The following CELF2 variants were observed in gnomAD, a reference collection of about 807,000 sequenced individuals.
The protein encoded by CELF2 is CUGBP Elav-like family member 2, also known as CUG triplet repeat RNA-binding protein 2.
A neutral mutation model predicts 62.6 loss-of-function variants in CELF2; 8 were observed. The ratio of observed to expected loss-of-function variants is 0.13; its 90% CI spans 0.07 to 0.23. CELF2 has a LOEUF of 0.23. Among genes scored for constraint, CELF2 ranks in the 10% least tolerant of loss-of-function variants. CELF2 has a pLI of 1.00. For missense variants in CELF2, 333 were observed against 671.0 expected (o/e 0.50, Z 5.56); for synonymous variants, 258 against 250.0 (o/e 1.03, Z -0.30).
the CELF2 span, among the ~76,000 whole-genome samples, chr10:10,549,780 C>T: frequency 3.3e-5 from 5 of 152,164 alleles, no homozygotes; most frequent in African/African-American, 1.2e-4. Flanking sequence ...AAATACATCA[C>T]ATTCTGAGGT....
intron 1 of CELF2, among the ~76,000 whole-genome samples, chr10:10,806,973 T>A (rs1305226004): frequency 6.6e-6 from 1 of 152,218 alleles, no homozygotes; most frequent in Non-Finnish European, 1.5e-5. Context: ...ACCCCCCTTT[T>A]TGATCAAAGA....
chr10:10,618,565 A>G, the CELF2 span, among the ~76,000 whole-genome samples: 1 of 152,108 alleles, frequency 6.6e-6, no homozygotes, highest in Middle Eastern at 3.2e-3. Context: ...GGCAACGCTT[A>G]TGGTGGGGCA....
the CELF2 span, among the ~76,000 whole-genome samples, chr10:10,679,478 T>C: frequency 6.6e-6 from 1 of 152,068 alleles, no homozygotes; most frequent in Non-Finnish European, 1.5e-5. Flanking sequence ...TTAGTAGAGA[T>C]GGGGTTTCAC....
At position 11,255,716 on chromosome 10, in the gene CELF2, A is replaced by G. The variant is rs959035035; in HGVS notation, c.404-2022A>G. ...CGTCCCTGCCTCAAGAGCCCCAGTC[A>G]CCCCGAGTATGTCACAGGCCACCTT... On this transcript the variant is annotated intron_variant, in intron 4 of 12. Coordinates refer to ENST00000633077, the MANE Select transcript of CELF2 (RefSeq NM_001326342.2). This position sits in a 1 kb window ranked among gnomAD's most constrained non-coding sequence, Gnocchi z 5.5. Among the ~76,000 whole-genome samples the G allele has an allele frequency of 6.6e-6, 1 of 151,894 alleles. No individual in the cohort carries two copies. Among genetic ancestry groups the G allele is most frequent in the African/African-American group, 2.4e-5 (1 of 41,310 alleles).
chr10:10,955,867 G>C (rs1302827735), intron 2 of CELF2, among the ~76,000 whole-genome samples: 2 of 152,200 alleles, frequency 1.3e-5, no homozygotes, highest in African/African-American at 2.4e-5. Flanking sequence ...AGTTACTCAA[G>C]AGGAAACGGA....
At chr10:11,201,462 A>C (rs143948289) in intron 2 of CELF2, among the ~76,000 whole-genome samples, 4 of 151,858 alleles carry the variant, frequency 2.6e-5, no homozygotes, top group African/African-American at 9.7e-5. Flanking sequence ...TCCATTCAAA[A>C]GGAGAGGAAA....
At chr10:10,703,870 A>C in the CELF2 span, among the ~76,000 whole-genome samples, 2 of 152,192 alleles carry the variant, frequency 1.3e-5, no homozygotes, top group African/African-American at 4.8e-5. Context: ...CGATCACAGA[A>C]CCCTAATCAA....
chr10:11,163,065 T>C (rs767172731), intron 1 of CELF2, among the ~76,000 whole-genome samples: 15 of 152,196 alleles, frequency 9.9e-5, no homozygotes, highest in Non-Finnish European at 4.4e-5. Context: ...GCATGAGGCA[T>C]TGGCCGGCTC....
rs967435825 is a variant in CELF2 at position 11,267,821 on chromosome 10, G to A, written c.618+1144G>A. Among the ~76,000 whole-genome samples the A allele has an allele frequency of 8.5e-5, 13 of 152,184 alleles. No homozygotes were observed. Among genetic ancestry groups the A allele is most frequent in the Non-Finnish European group, 1.9e-4 (13 of 68,030 alleles). On this transcript the variant is annotated intron_variant, in intron 6 of 12. Coordinates refer to ENST00000633077, the MANE Select transcript of CELF2 (RefSeq NM_001326342.2). The surrounding 1 kb of genome is among the most constrained non-coding windows in gnomAD (Gnocchi z 4.4). ...GGTGGGTGCAAAGGGGGGAAGGAGT[G>A]TGCATGGCATTGTCATTCAGTGTTT...
chr10:11,236,487 A>G (rs1589580410), intron 3 of CELF2, among the ~76,000 whole-genome samples: 1 of 152,222 alleles, frequency 6.6e-6, no homozygotes, highest in East Asian at 1.9e-4. Context: ...GTTTTAAGTC[A>G]TCAAGTCACT....
At chr10:11,307,678 G>A (rs1426501088) in intron 9 of CELF2, among the ~76,000 whole-genome samples, 1 of 152,164 alleles carries the variant, frequency 6.6e-6, no homozygotes, top group African/African-American at 2.4e-5. Flanking sequence ...AACAAGGCAG[G>A]CTTAATGAAA....
intron 2 of CELF2, among the ~76,000 whole-genome samples, chr10:10,982,223 G>A (rs2052217491): frequency 6.6e-6 from 1 of 151,948 alleles, no homozygotes; most frequent in African/African-American, 2.4e-5. Flanking sequence ...CCGAAGTGCT[G>A]GGATTACAGG....
At chr10:10,612,831 C>T in the CELF2 span, among the ~76,000 whole-genome samples, 3,495 of 152,238 alleles carry the variant, frequency 0.023, 123 homozygotes, top group African/African-American at 0.079. Context: ...GTCACTTCAT[C>T]CTGATGAGAA....
chr10:10,776,374 A>G, the CELF2 span: 1 of 153,636 alleles, frequency 6.5e-6, no homozygotes, highest in Non-Finnish European at 1.5e-5. Context: ...ATGGTGAAAA[A>G]CTTCTGTGAA....
In CELF2 at chr10:11,010,266, C is replaced by G. The variant is rs749653650; in HGVS notation, c.53+4826C>G. The G allele has an allele frequency of 6.6e-6, 1 of 152,164 alleles. No homozygotes were observed. The highest frequency in any genetic ancestry group is 1.5e-5 in the Non-Finnish European group (1 of 68,040). The allele number at this position is 152,164 out of a possible 1,614,324, so 9.4% of individuals were successfully genotyped here. On this transcript the variant is annotated intron_variant, in intron 1 of 12. Transcript: ENST00000416382. This position sits in a 1 kb window ranked among gnomAD's most constrained non-coding sequence, Gnocchi z 4.1. ...ATAAAAACGAATGGAGACCCCATTC[C>G]AAGCCTCAGGATGTTCGGTGCCTGC...
chr10:10,464,116 C>G, the CELF2 span, among the ~76,000 whole-genome samples: 1 of 152,022 alleles, frequency 6.6e-6, no homozygotes, highest in African/African-American at 2.4e-5. Flanking sequence ...TGAACCATGC[C>G]GCCCCTGGGT....
rs1046839432 is a variant in CELF2, at chr10:11,324,590, A to T, written c.1295-1246A>T. On this transcript the variant is annotated intron_variant, in intron 11 of 12. Coordinates refer to ENST00000633077, the MANE Select transcript of CELF2 (RefSeq NM_001326342.2). This position sits in a 1 kb window ranked among gnomAD's most constrained non-coding sequence, Gnocchi z 4.7. ...AAGACACACTTTTAAATGAGAAAGG[A>T]AGAGTTCACTCTGTGGCTTCCATAG... Among the ~76,000 whole-genome samples, 3 of 152,228 alleles carry T rather than the reference A, an allele frequency of 2.0e-5. No homozygotes were observed. The highest frequency in any genetic ancestry group is 7.2e-5 in the African/African-American group (3 of 41,466).
chr10:11,033,375 A>T (rs2060447162), intron 1 of CELF2, among the ~76,000 whole-genome samples: 1 of 151,440 alleles, frequency 6.6e-6, no homozygotes, highest in South Asian at 2.1e-4. Flanking sequence ...CTCGTGCCTC[A>T]GCTTCCCGAG....
At chr10:10,588,017 A>AT in the CELF2 span, among the ~76,000 whole-genome samples, 38,577 of 149,068 alleles carry the variant, frequency 0.26, 6,221 homozygotes, top group African/African-American at 0.46. Context: ...TAAAGATGTA[A>AT]TTTTTTTTTT....
Sources: allele counts gnomAD v4.1 joint callset (sites outside exome capture counted in the v4.1 genomes callset), GRCh38; gene constraint gnomAD v4.1.1; non-coding constraint Gnocchi (gnomAD v3.1); transcripts MANE v1.5; gene names NCBI Gene and HGNC (gene_info 2026-07-23, HGNC 2026-07-21).